The following ADAM12 variants were observed in gnomAD, a reference collection of about 807,000 sequenced individuals.
ADAM12 encodes disintegrin and metalloproteinase domain-containing protein 12.
A neutral mutation model predicts 106.4 loss-of-function variants in ADAM12; 70 were observed. The observed-to-expected ratio is 0.66, with a 90% confidence interval of 0.54 to 0.80. The LOEUF is 0.80. ADAM12 is among the 30% of genes least tolerant of loss of function. The pLI, the probability that ADAM12 is intolerant of heterozygous loss-of-function variation, is 0.00. For synonymous variants in ADAM12, 420 were observed against 433.5 expected (o/e 0.97, Z 0.39); for missense variants, 1,010 against 1,171.9 (o/e 0.86, Z 2.02).
At chr10:126,242,031 T>C (rs1184108826) in intron 3 of ADAM12, among the ~76,000 whole-genome samples, 2 of 152,218 alleles carry the variant, frequency 1.3e-5, no homozygotes, top group Non-Finnish European at 2.9e-5. Context: ...TAGACTGATT[T>C]TCCCCCCATT....
intron 3 of ADAM12, among the ~76,000 whole-genome samples, chr10:126,267,635 C>T (rs72828710): frequency 0.05 from 7,686 of 152,226 alleles, 254 homozygotes; most frequent in East Asian, 0.11. Flanking sequence ...AGGCAGTAAT[C>T]TGAGTGATGG....
chr10:126,285,975 ATTTTTT>A (rs55733951), intron 2 of ADAM12, among the ~76,000 whole-genome samples: 5 of 142,156 alleles, frequency 3.5e-5, no homozygotes, highest in Non-Finnish European at 3.1e-5. Flanking sequence ...TGATTTCCCT[ATTTTTT>A]TTTTTTTTTT....
intron 3 of ADAM12, among the ~76,000 whole-genome samples, chr10:126,201,415 T>C (rs1249120891): frequency 1.3e-5 from 2 of 151,916 alleles, no homozygotes; most frequent in African/African-American, 4.8e-5. Context: ...GACTGGAGTG[T>C]TGTTGCCACG....
chr10:126,213,760 A>C (rs563563606), intron 3 of ADAM12, among the ~76,000 whole-genome samples: 1 of 152,252 alleles, frequency 6.6e-6, no homozygotes, highest in East Asian at 1.9e-4. Flanking sequence ...AGACTGAAGC[A>C]CCAAGCAGGT....
chr10:126,108,528 T>C (rs1955815686), intron 8 of ADAM12, 65 bp downstream of exon 8: 1 of 1,445,176 alleles, frequency 6.9e-7, no homozygotes, highest in African/African-American at 1.4e-5. Context: ...TCAGATGAGG[T>C]CCCCCAACCT....
In ADAM12 at chr10:126,193,904, GAAATA is replaced by G. The variant is rs142749355; in HGVS notation, c.261-38604_261-38600del. Among the ~76,000 whole-genome samples, 247 of 145,210 alleles carry G rather than the reference GAAATA, an allele frequency of 1.7e-3. 1 individual carries two copies. Among genetic ancestry groups the G allele is most frequent in the Middle Eastern group, 3.5e-3 (1 of 288 alleles). ...GAGACTCTGTCTCATGAAATAAAAT[GAAATA>G]AAATAAAATAAAATAAAATAAAATA... is the stretch of plus-strand genomic sequence containing the variant. On this transcript the variant is annotated intron_variant, in intron 3 of 22. Coordinates refer to ENST00000448723, the MANE Select transcript of ADAM12 (RefSeq NM_001288973.2).
intron 11 of ADAM12, among the ~76,000 whole-genome samples, chr10:126,089,632 A>G (rs1477760166): frequency 6.6e-6 from 1 of 152,196 alleles, no homozygotes; most frequent in Non-Finnish European, 1.5e-5. Context: ...TGCTCTGCAG[A>G]TAAGAATCCA....
At chr10:126,047,822 A>G (rs1223126350) in intron 16 of ADAM12, among the ~76,000 whole-genome samples, 2 of 152,258 alleles carry the variant, frequency 1.3e-5, no homozygotes, top group South Asian at 4.1e-4. Context: ...AAATCATTCT[A>G]TCATAAAGAC....
At chr10:126,171,602 G>A (rs891955063) in intron 3 of ADAM12, among the ~76,000 whole-genome samples, 4 of 152,120 alleles carry the variant, frequency 2.6e-5, no homozygotes, top group Non-Finnish European at 4.4e-5. Context: ...AAGTCTCCAC[G>A]GTGTCTTGCG....
intron 6 of ADAM12, among the ~76,000 whole-genome samples, chr10:126,116,220 T>C (rs1259554595): frequency 6.6e-6 from 1 of 152,208 alleles, no homozygotes; most frequent in African/African-American, 2.4e-5. Flanking sequence ...ACAAACATAT[T>C]TGAGTGTCAT....
intron 1 of ADAM12, among the ~76,000 whole-genome samples, chr10:126,362,438 C>A (rs1590826425): frequency 6.6e-6 from 1 of 152,098 alleles, no homozygotes; most frequent in South Asian, 2.1e-4. Context: ...CCCAGCAATC[C>A]CACTTCTCGG....
At chr10:126,181,329 T>C (rs1047843196) in intron 3 of ADAM12, among the ~76,000 whole-genome samples, 6 of 152,142 alleles carry the variant, frequency 3.9e-5, no homozygotes, top group Non-Finnish European at 7.3e-5. Context: ...CCCTCGGTTT[T>C]CCAAAGTGCT....
chr10:126,046,156 A>G (rs371046833), intron 16 of ADAM12, 24 bp from the exon 17 acceptor site: 202 of 1,600,996 alleles, frequency 1.3e-4, no homozygotes, highest in Non-Finnish European at 1.6e-4. Flanking sequence ...AAAACACAGC[A>G]AATCTCTTAG....
At chr10:126,079,069 C>T (rs1419484719) in intron 11 of ADAM12, among the ~76,000 whole-genome samples, 1 of 152,196 alleles carries the variant, frequency 6.6e-6, no homozygotes, top group African/African-American at 2.4e-5. Context: ...TGCACATTCT[C>T]AAGCCCCACT....
chr10:126,042,006 T>G, intron 18 of ADAM12: 1 of 1,457,034 alleles, frequency 6.9e-7, no homozygotes, highest in Non-Finnish European at 9.0e-7. Context: ...GAGAACTGTG[T>G]TGTGTCTGTT....
chr10:126,149,606 G>A lies in ADAM12; in HGVS notation c.339+5621C>T, dbSNP rs146403964. Among the ~76,000 whole-genome samples the A allele has an allele frequency of 6.1e-3, 926 of 152,302 alleles. 8 individuals are homozygous for A. The highest frequency in any genetic ancestry group is 0.021 in the African/African-American group (874 of 41,550). On this transcript the variant is annotated intron_variant, in intron 4 of 22. Transcript: ENST00000448723. ...GGGCACCATCTAATCAGCTGCCAGCGCGGCTAGAATAAAGTAGGCAGAGGA... is the reference window on the plus strand; with the variant it reads ...GGGCACCATCTAATCAGCTGCCAGCACGGCTAGAATAAAGTAGGCAGAGGA...
chr10:126,130,512 C>T (rs1956285556), intron 5 of ADAM12, among the ~76,000 whole-genome samples: 1 of 152,182 alleles, frequency 6.6e-6, no homozygotes, highest in African/African-American at 2.4e-5. Flanking sequence ...TTCCTGAAAT[C>T]CCAGCTGCAA....
intron 8 of ADAM12, among the ~76,000 whole-genome samples, chr10:126,105,070 G>C (rs554259651): frequency 6.6e-6 from 1 of 152,248 alleles, no homozygotes; most frequent in East Asian, 1.9e-4. Flanking sequence ...GGGATGTCAG[G>C]GCCAGGGGTA....
At chr10:126,091,220 T>A (rs984900953) in intron 11 of ADAM12, among the ~76,000 whole-genome samples, 1 of 152,254 alleles carries the variant, frequency 6.6e-6, no homozygotes, top group African/African-American at 2.4e-5. Flanking sequence ...CTTTGTGGAA[T>A]GATTTACAAT....
Sources: gnomAD v4.1 joint callset for allele counts (sites outside exome capture counted in the v4.1 genomes callset) on GRCh38, gnomAD v4.1.1 for gene constraint, MANE v1.5 for transcripts, NCBI Gene and HGNC (gene_info 2026-07-23, HGNC 2026-07-21) for gene names.